GSK3B: variants seen among roughly 807,000 people sequenced by gnomAD.
GSK3B encodes glycogen synthase kinase-3 beta.
Under a neutral mutation model 56.4 loss-of-function variants are expected in GSK3B, and 15 were observed. The observed-to-expected ratio is 0.27, with a 90% confidence interval of 0.18 to 0.41. The LOEUF is 0.41. Ranked by LOEUF, GSK3B falls within the 10% of genes least tolerant of loss-of-function variation. The pLI is 1.00. For missense variants in GSK3B, 300 were observed against 513.4 expected, an observed-to-expected ratio of 0.58 and a Z score of 4.02; for synonymous variants, 181 against 188.9, an observed-to-expected ratio of 0.96 and a Z score of 0.34.
intron 10 of GSK3B, among the ~76,000 whole-genome samples, chr3:119,836,930 T>C (rs114873194): frequency 0.016 from 2,470 of 152,336 alleles, 32 homozygotes; most frequent in Non-Finnish European, 0.027. Context: ...TTGTGAAATG[T>C]ACAGATGACA....
At chr3:120,064,722 A>G (rs1425408553) in intron 1 of GSK3B, among the ~76,000 whole-genome samples, 1 of 152,200 alleles carries the variant, frequency 6.6e-6, no homozygotes, top group East Asian at 1.9e-4. Flanking sequence ...AAAAAGAACG[A>G]AGTTGGAGGA....
chr3:120,061,389 C>T (rs2058235568), intron 1 of GSK3B, among the ~76,000 whole-genome samples: 1 of 152,168 alleles, frequency 6.6e-6, no homozygotes, highest in Admixed American at 6.5e-5. Flanking sequence ...TTGTTGCAGT[C>T]AATTTCTGAA....
At chr3:120,073,023 C>G (rs1313059425) in intron 1 of GSK3B, among the ~76,000 whole-genome samples, 1 of 152,020 alleles carries the variant, frequency 6.6e-6, no homozygotes, top group Non-Finnish European at 1.5e-5. Flanking sequence ...GGAATCCAGG[C>G]TCTGCCACCT....
intron 6 of GSK3B, among the ~76,000 whole-genome samples, chr3:119,910,327 A>G (rs1351244290): frequency 6.6e-6 from 1 of 152,174 alleles, no homozygotes; most frequent in Non-Finnish European, 1.5e-5. Context: ...AGACCATAAC[A>G]ATAAGACACA....
intron 1 of GSK3B, among the ~76,000 whole-genome samples, chr3:120,017,644 A>G (rs927797277): frequency 1.9e-4 from 29 of 151,624 alleles, no homozygotes; most frequent in Non-Finnish European, 8.8e-5. Context: ...TTAAAACAGT[A>G]GGGAGGGGAG....
At chr3:119,933,843 C>T (rs951966095) in intron 3 of GSK3B, among the ~76,000 whole-genome samples, 2 of 152,152 alleles carry the variant, frequency 1.3e-5, no homozygotes, top group African/African-American at 4.8e-5. Flanking sequence ...AGCCACTGCA[C>T]TCCAGCCTGA....
chr3:119,909,937 C>A (rs994444807), intron 6 of GSK3B, among the ~76,000 whole-genome samples: 2 of 152,228 alleles, frequency 1.3e-5, no homozygotes, highest in Non-Finnish European at 2.9e-5. Context: ...TGGGTGCATA[C>A]TTCTGCAGAA....
chr3:119,889,971 T>A (rs1489685503), intron 7 of GSK3B, among the ~76,000 whole-genome samples: 1 of 152,134 alleles, frequency 6.6e-6, no homozygotes, highest in African/African-American at 2.4e-5. Flanking sequence ...AAAAGTCATT[T>A]TAAGACTAAA....
intron 2 of GSK3B, among the ~76,000 whole-genome samples, chr3:119,964,427 T>G (rs933293366): frequency 2.0e-5 from 3 of 152,176 alleles, no homozygotes; most frequent in Non-Finnish European, 2.9e-5. Flanking sequence ...ATATTACAAG[T>G]TTTTTTAATA....
intron 9 of GSK3B, among the ~76,000 whole-genome samples, chr3:119,845,496 CACAA>C (rs1371164170): frequency 6.6e-6 from 1 of 152,164 alleles, no homozygotes; most frequent in East Asian, 1.9e-4. Context: ...TCTCAAAAAT[CACAA>C]ACATTCTTAT....
chr3:119,995,470 T>A (rs964070050), intron 2 of GSK3B, among the ~76,000 whole-genome samples: 1 of 152,046 alleles, frequency 6.6e-6, no homozygotes, highest in African/African-American at 2.4e-5. Context: ...AAACAATAAT[T>A]ATTTTTTTTT....
intron 7 of GSK3B, among the ~76,000 whole-genome samples, chr3:119,890,150 A>C (rs1403694224): frequency 6.6e-6 from 1 of 152,112 alleles, no homozygotes; most frequent in Non-Finnish European, 1.5e-5. Context: ...TTCAAGAGAA[A>C]TATAAACATA....
At chr3:120,068,802 T>C (rs1182350954) in intron 1 of GSK3B, among the ~76,000 whole-genome samples, 3 of 151,830 alleles carry the variant, frequency 2.0e-5, no homozygotes, top group East Asian at 1.9e-4. Context: ...AAATTGATGA[T>C]GGATATACAG....
intron 9 of GSK3B, among the ~76,000 whole-genome samples, chr3:119,858,805 T>TA (rs1196452939): frequency 1.3e-5 from 2 of 152,152 alleles, no homozygotes; most frequent in East Asian, 1.9e-4. Flanking sequence ...CTTGAACACT[T>TA]AGAGGCTCTT....
chr3:119,934,876 G>T (rs2056979693), intron 3 of GSK3B, among the ~76,000 whole-genome samples: 1 of 151,484 alleles, frequency 6.6e-6, no homozygotes, highest in East Asian at 1.9e-4. Context: ...TAGGGATTAG[G>T]GTAAAAAATA....
At chr3:120,025,306 T>C (rs577452329) in intron 1 of GSK3B, among the ~76,000 whole-genome samples, 3 of 152,298 alleles carry the variant, frequency 2.0e-5, no homozygotes, top group East Asian at 3.9e-4. Context: ...GTGACAGATA[T>C]CTTCTGGAGG....
At chr3:119,862,664 CTTGTT>C (rs1395195772) in intron 9 of GSK3B, among the ~76,000 whole-genome samples, 1 of 119,154 alleles carries the variant, frequency 8.4e-6, no homozygotes, top group Non-Finnish European at 1.7e-5. Flanking sequence ...TCAACTATTT[CTTGTT>C]TTTTTTTTTT....
intron 7 of GSK3B, among the ~76,000 whole-genome samples, chr3:119,879,536 T>C (rs375267754): frequency 1.3e-5 from 2 of 152,128 alleles, no homozygotes; most frequent in South Asian, 2.1e-4. Flanking sequence ...TTTCGATATT[T>C]AATTAAATTA....
intron 10 of GSK3B, among the ~76,000 whole-genome samples, chr3:119,837,639 C>G (rs902837856): frequency 6.6e-6 from 1 of 151,830 alleles, no homozygotes; most frequent in Non-Finnish European, 1.5e-5. Flanking sequence ...AAACTTTATG[C>G]TGATGACCAA....
Sources: gnomAD v4.1 joint callset for allele counts (sites outside exome capture counted in the v4.1 genomes callset) on GRCh38, gnomAD v4.1.1 for gene constraint, MANE v1.5 for transcripts, NCBI Gene and HGNC (gene_info 2026-07-23, HGNC 2026-07-21) for gene names.